Variants in GNB1L observed in about 807,000 individuals in gnomAD.
GNB1L encodes the protein G protein subunit beta 1 like.
A neutral mutation model predicts 29.1 loss-of-function variants in GNB1L; 20 were observed. That is an observed-to-expected ratio of 0.69 (90% CI 0.48 to 1.00). The LOEUF is 1.00. Ranked by LOEUF, GNB1L falls within the 50% of genes least tolerant of loss-of-function variation. The probability of loss-of-function intolerance (pLI) is 0.00; values close to 1 mark genes in which losing one functional copy is unlikely to be tolerated. For missense variants in GNB1L, 421 were observed against 464.9 expected, an observed-to-expected ratio of 0.91 and a Z score of 0.87; for synonymous variants, 193 against 206.5, an observed-to-expected ratio of 0.93 and a Z score of 0.56.
rs1001966131 is a variant in GNB1L at position 19,816,537 on chromosome 22, G to GT, written c.254+4060dup. ...GTGTCCACCTGCTCACTGCCAGAGTGTGCCCCAGCCACCAGGCCCCTCCGC... is the reference window on the plus strand; with the variant it reads ...GTGTCCACCTGCTCACTGCCAGAGTGTTGCCCCAGCCACCAGGCCCCTCCGC... On this transcript the variant is annotated intron_variant, in intron 4 of 7. Coordinates refer to ENST00000329517, the MANE Select transcript of GNB1L (RefSeq NM_053004.3). This position sits in a 1 kb window ranked among gnomAD's most constrained non-coding sequence, Gnocchi z 4.4. Among the ~76,000 whole-genome samples, 4 of 152,068 alleles carry GT rather than the reference G, an allele frequency of 2.6e-5. No individual in the cohort carries two copies. Among genetic ancestry groups the GT allele is most frequent in the African/African-American group, 9.7e-5 (4 of 41,384 alleles).
chr22:19,812,336 G>A lies in GNB1L; in HGVS notation c.366C>T (p.Ala122=), dbSNP rs28417880. 23 of 1,612,970 alleles carry A rather than the reference G, an allele frequency of 1.4e-5. No homozygotes were observed. The highest frequency in any genetic ancestry group is 2.2e-5 in the East Asian group (1 of 44,880). ...CAAGCGTCCAGCGTGGCTGGCCCCC[G>A]GCCAGGATGCTGCTCCGGCAGAAGC... ...SVGFCRSSIL[A]GGQPRWTLAV... The change falls in exon 5 of 8, where the codon GCC becomes GCT. Residue 122 remains alanine, a synonymous_variant. Transcript: ENST00000329517.
At chr22:19,828,616 A>G (rs752241153) in intron 2 of GNB1L, among the ~76,000 whole-genome samples, 4 of 151,962 alleles carry the variant, frequency 2.6e-5, no homozygotes, top group Admixed American at 6.6e-5. Flanking sequence ...ACTGCATTAA[A>G]GCCTGGGTGA....
intron 2 of GNB1L, among the ~76,000 whole-genome samples, chr22:19,830,340 C>T (rs1347113030): frequency 6.6e-6 from 1 of 151,736 alleles, no homozygotes; most frequent in Non-Finnish European, 1.5e-5. Context: ...GTAAAACTAA[C>T]ATAGAGAATT....
intron 5 of GNB1L, among the ~76,000 whole-genome samples, chr22:19,811,616 C>T (rs1201654774): frequency 6.6e-6 from 1 of 152,158 alleles, no homozygotes; most frequent in Non-Finnish European, 1.5e-5. Context: ...CCAGCTGGGC[C>T]AGTCCTGTGT....
chr22:19,839,819 G>T (rs1937826647), intron 2 of GNB1L, among the ~76,000 whole-genome samples: 1 of 151,978 alleles, frequency 6.6e-6, no homozygotes, highest in South Asian at 2.1e-4. Flanking sequence ...GGTGGAGGTT[G>T]CAGTGAGCCA....
intron 2 of GNB1L, among the ~76,000 whole-genome samples, chr22:19,830,187 G>A (rs1048552870): frequency 5.3e-5 from 8 of 151,986 alleles, no homozygotes; most frequent in East Asian, 3.9e-4. Context: ...CTCCAGCCTC[G>A]GCAACACAGC....
Position 19,851,553 on chromosome 22 carries a change from C to T in GNB1L, c.-21+2890G>A, listed in dbSNP as rs577981288. On this transcript the variant is annotated intron_variant, in intron 2 of 7. Coordinates refer to ENST00000329517, the MANE Select transcript of GNB1L (RefSeq NM_053004.3). ...CCAGACACAGCAGGGGTGGCCATGG[C>T]GGCTGGTAAAGACCTGGGGGCAGTA... 5.8e-5 allele frequency: 93 copies of T among 1,612,900 alleles called. 1 individual carries two copies. The South Asian group carries it at 9.1e-4, about 16-fold the overall frequency.
intron 2 of GNB1L, chr22:19,849,970 T>C: frequency 2.0e-6 from 2 of 985,438 alleles, no homozygotes. Context: ...CTTCATTCCA[T>C]TCCTCTGGGC....
intron 6 of GNB1L, among the ~76,000 whole-genome samples, chr22:19,805,796 TAAATA>T (rs1320530480): frequency 6.7e-6 from 1 of 148,908 alleles, no homozygotes; most frequent in East Asian, 2.0e-4. Context: ...AAAAAATAAA[TAAATA>T]AAATAGAAAA....
chr22:19,802,882 G>A (rs954957630), intron 6 of GNB1L, among the ~76,000 whole-genome samples: 5 of 152,252 alleles, frequency 3.3e-5, no homozygotes, highest in African/African-American at 1.2e-4. Flanking sequence ...CGTTTGTTAA[G>A]CCTCTGGAAT....
chr22:19,842,784 C>T (rs992799050), intron 2 of GNB1L, among the ~76,000 whole-genome samples: 1 of 152,212 alleles, frequency 6.6e-6, no homozygotes, highest in Non-Finnish European at 1.5e-5. Context: ...GGGCCAGCTA[C>T]TGGAGATACC....
In GNB1L at chr22:19,792,984, G is replaced by A. The variant is rs1409660498; in HGVS notation, c.733-4024C>T. The A allele has an allele frequency of 5.9e-6, 9 of 1,521,616 alleles. No homozygotes were observed. In the Admixed American group the frequency reaches 1.0e-4, roughly 17 times the overall value. The allele number at this position is 1,521,616 out of a possible 1,614,324, so 94.3% of individuals were successfully genotyped here. On this transcript the variant is annotated intron_variant, in intron 7 of 7. Transcript: ENST00000329517. ...CAGGACCAATTACAATGACAGATAC[G>A]ATGAGATCCGCCGTCACTGGGGCGG...
intron 2 of GNB1L, among the ~76,000 whole-genome samples, chr22:19,837,028 G>A (rs1348738595): frequency 2.7e-5 from 4 of 150,790 alleles, no homozygotes; most frequent in Admixed American, 2.0e-4. Flanking sequence ...GTGCAGTGGC[G>A]CGATCTCGGC....
chr22:19,812,518 G>T, intron 4 of GNB1L, 71 bp from the exon 5 acceptor site: 1 of 1,411,076 alleles, frequency 7.1e-7, no homozygotes, highest in Non-Finnish European at 9.7e-7. Flanking sequence ...CCCTGCAGCG[G>T]AAGGAAGGCA....
At chr22:19,815,399 C>T (rs1334681954) in intron 4 of GNB1L, among the ~76,000 whole-genome samples, 1 of 152,188 alleles carries the variant, frequency 6.6e-6, no homozygotes, top group Admixed American at 6.5e-5. Flanking sequence ...TGCACAGCCC[C>T]CGTGGCTCTG....
At chr22:19,821,883 G>A (rs1601337076) in intron 2 of GNB1L, among the ~76,000 whole-genome samples, 3 of 152,312 alleles carry the variant, frequency 2.0e-5, no homozygotes, top group East Asian at 1.9e-4. Flanking sequence ...TCCTGCCACT[G>A]GGCTTGGCTG....
intron 2 of GNB1L, among the ~76,000 whole-genome samples, chr22:19,821,663 G>T (rs1010948067): frequency 3.3e-5 from 5 of 152,284 alleles, no homozygotes; most frequent in Non-Finnish European, 4.4e-5. Flanking sequence ...TCCTCGCACC[G>T]TGCCTGTTGG....
At position 19,785,485 on chromosome 22, in the gene GNB1L, T is replaced by C. The variant is rs1937184693; in HGVS notation, c.*3224A>G. On this transcript the variant is annotated 3_prime_UTR_variant, in exon 8 of 8. Transcript: ENST00000329517. This position sits in a 1 kb window ranked among gnomAD's most constrained non-coding sequence, Gnocchi z 4.1. Reference sequence around the variant, plus strand: ...TTGGCACTGAAAATGGCAAGAAATGTCCGCCGTTGTTTCCAAACACCAAGT... The same window carrying C: ...TTGGCACTGAAAATGGCAAGAAATGCCCGCCGTTGTTTCCAAACACCAAGT... 1 of 152,058 alleles carries C rather than the reference T, an allele frequency of 6.6e-6. No homozygotes were observed. The highest frequency in any genetic ancestry group is 2.4e-5 in the African/African-American group (1 of 41,386). The allele number at this position is 152,058 out of a possible 1,614,324, so 9.4% of individuals were successfully genotyped here.
At chr22:19,802,473 G>C (rs1343125555) in intron 6 of GNB1L, among the ~76,000 whole-genome samples, 1 of 152,232 alleles carries the variant, frequency 6.6e-6, no homozygotes, top group Non-Finnish European at 1.5e-5. Flanking sequence ...GGAGGGCAGA[G>C]AGCCAAGCCC....
Sources: allele counts gnomAD v4.1 joint callset (sites outside exome capture counted in the v4.1 genomes callset), GRCh38; gene constraint gnomAD v4.1.1; non-coding constraint Gnocchi (gnomAD v3.1); transcripts MANE v1.5; gene names NCBI Gene and HGNC (gene_info 2026-07-23, HGNC 2026-07-21).